NRXN1: variants seen among roughly 807,000 people sequenced by gnomAD.
The protein encoded by NRXN1 is neurexin 1.
A neutral mutation model predicts 150.9 loss-of-function variants in NRXN1; 39 were observed. The ratio of observed to expected loss-of-function variants is 0.26; its 90% CI spans 0.20 to 0.34. The LOEUF (loss-of-function observed/expected upper bound fraction) is 0.34. Among genes scored for constraint, NRXN1 ranks in the 10% least tolerant of loss-of-function variants. The pLI is 1.00. For missense variants in NRXN1, 1,815 were observed against 1,949.9 expected, an observed-to-expected ratio of 0.93 and a Z score of 1.30; for synonymous variants, 924 against 757.0, an observed-to-expected ratio of 1.22 and a Z score of -3.62.
intron 17 of NRXN1, among the ~76,000 whole-genome samples, chr2:50,334,851 A>AG (rs1242845575): frequency 2.6e-5 from 4 of 152,166 alleles, no homozygotes; most frequent in Admixed American, 2.0e-4. Flanking sequence ...ACCTTGGAGG[A>AG]GGGGCGATAC....
At chr2:50,411,790 C>T (rs1339661712) in intron 17 of NRXN1, among the ~76,000 whole-genome samples, 2 of 152,160 alleles carry the variant, frequency 1.3e-5, no homozygotes, top group African/African-American at 4.8e-5. Context: ...CCCCTCTGCC[C>T]GGCTGCCACC....
At chr2:50,652,633 G>T (rs748789619) in intron 5 of NRXN1, among the ~76,000 whole-genome samples, 56 of 152,144 alleles carry the variant, frequency 3.7e-4, no homozygotes, top group Middle Eastern at 3.4e-3. Flanking sequence ...TTGTTATTAA[G>T]AATGCTGCTG....
intron 18 of NRXN1, among the ~76,000 whole-genome samples, chr2:50,204,667 C>A (rs1361822321): frequency 6.6e-6 from 1 of 151,880 alleles, no homozygotes; most frequent in African/African-American, 2.4e-5. Context: ...TATTTTTGGC[C>A]ACTCAATGTG....
At chr2:49,957,172 G>T (rs1215219734) in intron 21 of NRXN1, among the ~76,000 whole-genome samples, 1 of 152,096 alleles carries the variant, frequency 6.6e-6, no homozygotes, top group Non-Finnish European at 1.5e-5. Context: ...TTAAATCCCA[G>T]CTCTGCCACT....
chr2:51,009,492 G>A (rs1053496894), intron 2 of NRXN1, among the ~76,000 whole-genome samples: 4 of 151,876 alleles, frequency 2.6e-5, no homozygotes, highest in African/African-American at 7.2e-5. Flanking sequence ...AAATTGCTCA[G>A]CTTAGTCATC....
intron 2 of NRXN1, among the ~76,000 whole-genome samples, chr2:51,004,259 T>A (rs1278645905): frequency 6.6e-6 from 1 of 151,886 alleles, no homozygotes; most frequent in African/African-American, 2.4e-5. Flanking sequence ...ATAAACAGAT[T>A]CTGGGTGAGA....
chr2:50,472,195 G>C, intron 16 of NRXN1, 103 bp downstream of exon 16: 1 of 954,464 alleles, frequency 1.0e-6, no homozygotes. Flanking sequence ...GCCCAAATTG[G>C]GTATTTGACC....
chr2:50,358,463 G>A (rs1386894612), intron 17 of NRXN1, among the ~76,000 whole-genome samples: 1 of 152,184 alleles, frequency 6.6e-6, no homozygotes, highest in Non-Finnish European at 1.5e-5. Context: ...CAAAGCTCGT[G>A]GGAAGTTTGG....
chr2:50,956,679 C>T (rs1403194540), intron 2 of NRXN1, among the ~76,000 whole-genome samples: 9 of 151,226 alleles, frequency 6.0e-5, no homozygotes, highest in Admixed American at 5.3e-4. Context: ...ACTCAGGAAG[C>T]GAAGGTTGCA....
At chr2:50,532,658 G>C (rs2093148752) in intron 10 of NRXN1, among the ~76,000 whole-genome samples, 1 of 152,110 alleles carries the variant, frequency 6.6e-6, no homozygotes, top group South Asian at 2.1e-4. Flanking sequence ...AAATAAGCAT[G>C]GGGGTGGGAC....
chr2:50,497,051 G>T (rs985441802), intron 14 of NRXN1, among the ~76,000 whole-genome samples: 1 of 152,126 alleles, frequency 6.6e-6, no homozygotes, highest in Non-Finnish European at 1.5e-5. Context: ...GTCAGGAAAT[G>T]CCCATTTGAA....
At chr2:50,737,246 C>A (rs1245233867) in intron 5 of NRXN1, among the ~76,000 whole-genome samples, 4 of 152,104 alleles carry the variant, frequency 2.6e-5, no homozygotes, top group African/African-American at 9.7e-5. Context: ...GTGCTAATTT[C>A]TGAACCAGTG....
chr2:50,067,041 G>A (rs186369156), intron 19 of NRXN1, among the ~76,000 whole-genome samples: 78 of 152,262 alleles, frequency 5.1e-4, no homozygotes, highest in African/African-American at 1.7e-3. Context: ...AGGGTGATGC[G>A]CTGTTCGTGA....
chr2:49,953,461 C>T (rs1034011426), intron 21 of NRXN1, among the ~76,000 whole-genome samples: 4 of 151,980 alleles, frequency 2.6e-5, no homozygotes, highest in African/African-American at 9.7e-5. Context: ...CTACTTCATT[C>T]CTTCTGGTGC....
intron 5 of NRXN1, among the ~76,000 whole-genome samples, chr2:50,668,383 A>C (rs1358023368): frequency 6.6e-6 from 1 of 151,996 alleles, no homozygotes; most frequent in Non-Finnish European, 1.5e-5. Context: ...ACAGTCTACA[A>C]GCTTATTAAA....
chr2:50,840,691 T>C (rs1672746562), intron 5 of NRXN1, among the ~76,000 whole-genome samples: 1 of 152,122 alleles, frequency 6.6e-6, no homozygotes, highest in South Asian at 2.1e-4. Context: ...GTAAAATTCT[T>C]CCTACTTTAC....
rs2091721183 is a variant in NRXN1 at position 50,497,723 on chromosome 2, G to T, written c.2498-9C>A. On this transcript the variant is annotated splice_polypyrimidine_tract_variant and intron_variant, in intron 13 of 22. Coordinates refer to ENST00000401669, the MANE Select transcript of NRXN1 (RefSeq NM_001330078.2). ...ATCACCTGCCATTTGACCTAAAAGA[G>T]AAGATAATATATGATTATTTTCTGT... 1.3e-6 allele frequency: 2 copies of T among 1,596,720 alleles called. No individual in the cohort carries two copies. Among genetic ancestry groups the T allele is most frequent in the African/African-American group, 2.7e-5 (2 of 74,278 alleles).
chr2:50,936,072 T>C (rs1156453139), intron 2 of NRXN1, among the ~76,000 whole-genome samples: 1 of 152,148 alleles, frequency 6.6e-6, no homozygotes, highest in African/African-American at 2.4e-5. Flanking sequence ...TCCTAATGAA[T>C]AACATTTAAT....
intron 18 of NRXN1, among the ~76,000 whole-genome samples, chr2:50,164,470 A>T (rs1015292402): frequency 1.3e-5 from 2 of 152,236 alleles, no homozygotes; most frequent in Non-Finnish European, 2.9e-5. Context: ...ATCTAAAATG[A>T]TAGCATAATC....
Sources: gnomAD v4.1 joint callset for allele counts (sites outside exome capture counted in the v4.1 genomes callset) on GRCh38, gnomAD v4.1.1 for gene constraint, MANE v1.5 for transcripts, NCBI Gene and HGNC (gene_info 2026-07-23, HGNC 2026-07-21) for gene names.